AGBL1: variants seen among roughly 807,000 people sequenced by gnomAD.
AGBL1 encodes the protein cytosolic carboxypeptidase 4.
AGBL1 carries 130 observed loss-of-function variants against 118.9 expected under a neutral mutation model. That is an observed-to-expected ratio of 1.09 (90% CI 0.95 to 1.26). The LOEUF is 1.26. AGBL1 is among the 50% of genes most tolerant of loss of function. AGBL1 has a pLI of 0.00. For missense variants in AGBL1, 1,584 were observed against 1,298.1 expected, an observed-to-expected ratio of 1.22 and a Z score of -3.38; for synonymous variants, 555 against 478.9, an observed-to-expected ratio of 1.16 and a Z score of -2.08.
chr15:86,291,604 C>T (rs866163970), intron 16 of AGBL1, among the ~76,000 whole-genome samples: 4 of 152,198 alleles, frequency 2.6e-5, no homozygotes, highest in Non-Finnish European at 4.4e-5. Flanking sequence ...TCTGGACTCC[C>T]AGGCACAGCT....
At chr15:86,182,251 CT>C (rs1419317398) in intron 5 of AGBL1, among the ~76,000 whole-genome samples, 2 of 152,058 alleles carry the variant, frequency 1.3e-5, no homozygotes, top group South Asian at 2.1e-4. Flanking sequence ...CCCTTGTTTC[CT>C]TTTTTTCTCT....
intron 17 of AGBL1, among the ~76,000 whole-genome samples, chr15:86,302,778 C>CA (rs11345100): frequency 0.32 from 31,024 of 95,750 alleles, 5,464 homozygotes; most frequent in Non-Finnish European, 0.42. Context: ...GACCCTGTCT[C>CA]AAAAAAAAAA....
chr15:86,386,739 G>T (rs138895484), intron 17 of AGBL1, among the ~76,000 whole-genome samples: 50 of 152,148 alleles, frequency 3.3e-4, no homozygotes, highest in African/African-American at 1.1e-3. Context: ...AGGACCTCAA[G>T]CCTGGGACCT....
intron 21 of AGBL1, among the ~76,000 whole-genome samples, chr15:86,636,027 A>T (rs1255649996): frequency 6.6e-6 from 1 of 152,094 alleles, no homozygotes; most frequent in African/African-American, 2.4e-5. Flanking sequence ...AGTGGGTACC[A>T]CTCACCATGA....
intron 21 of AGBL1, among the ~76,000 whole-genome samples, chr15:86,627,455 A>ATG (rs2084905113): frequency 6.6e-6 from 1 of 152,218 alleles, no homozygotes; most frequent in African/African-American, 2.4e-5. Flanking sequence ...CAAGGTACAA[A>ATG]TGTGAAGACT....
intron 23 of AGBL1, chr15:86,946,425 T>G (rs1303903344): frequency 6.6e-6 from 1 of 152,212 alleles, no homozygotes; most frequent in South Asian, 2.1e-4. Flanking sequence ...CTAGTTTATA[T>G]AGTATATATA....
intron 23 of AGBL1, among the ~76,000 whole-genome samples, chr15:86,947,545 G>GA (rs1567253906): frequency 6.6e-6 from 1 of 152,096 alleles, no homozygotes; most frequent in Non-Finnish European, 1.5e-5. Flanking sequence ...TAATTCCAGC[G>GA]AATTTTTTAT....
At chr15:86,500,390 T>C (rs965375151) in intron 18 of AGBL1, among the ~76,000 whole-genome samples, 1 of 151,846 alleles carries the variant, frequency 6.6e-6, no homozygotes, top group Non-Finnish European at 1.5e-5. Flanking sequence ...AGTTCTAGTA[T>C]GGAAATAGGT....
intron 6 of AGBL1, among the ~76,000 whole-genome samples, chr15:86,232,510 T>A (rs1302887018): frequency 6.6e-6 from 1 of 152,192 alleles, no homozygotes; most frequent in Non-Finnish European, 1.5e-5. Flanking sequence ...GGAAATTAGC[T>A]GAAGATGGTC....
chr15:86,288,414 C>T (rs1328624210), intron 16 of AGBL1, among the ~76,000 whole-genome samples: 3 of 152,026 alleles, frequency 2.0e-5, no homozygotes, highest in African/African-American at 7.2e-5. Flanking sequence ...TATATCAGGG[C>T]TTTAGTTAAT....
intron 17 of AGBL1, among the ~76,000 whole-genome samples, chr15:86,313,273 A>G (rs989813780): frequency 6.6e-6 from 1 of 152,182 alleles, no homozygotes; most frequent in African/African-American, 2.4e-5. Flanking sequence ...TTGTTTAGGT[A>G]TATAATGTAG....
chr15:86,411,917 A>T (rs77614168), intron 18 of AGBL1, among the ~76,000 whole-genome samples: 8,256 of 152,228 alleles, frequency 0.054, 267 homozygotes, highest in East Asian at 0.15. Flanking sequence ...TACTCTGTTC[A>T]TACCCTGCTT....
intron 17 of AGBL1, among the ~76,000 whole-genome samples, chr15:86,394,805 G>A (rs1425905352): frequency 1.3e-5 from 2 of 152,142 alleles, no homozygotes; most frequent in African/African-American, 4.8e-5. Context: ...AGATGAAACT[G>A]TCCCCTTTAA....
chr15:86,959,661 T>C (rs1309124547), intron 23 of AGBL1, among the ~76,000 whole-genome samples: 1 of 152,086 alleles, frequency 6.6e-6, no homozygotes, highest in Non-Finnish European at 1.5e-5. Context: ...TCTTTCCTGT[T>C]TATTAATGAG....
At chr15:87,016,788 T>C (rs1579552) in intron 24 of AGBL1, among the ~76,000 whole-genome samples, 15,687 of 152,096 alleles carry the variant, frequency 0.1, 1,626 homozygotes, top group African/African-American at 0.27. Flanking sequence ...ATTGTGTGAT[T>C]CCACCTGGGA....
chr15:86,781,511 G>A (rs534644247), intron 22 of AGBL1, among the ~76,000 whole-genome samples: 1 of 152,248 alleles, frequency 6.6e-6, no homozygotes, highest in East Asian at 1.9e-4. Context: ...TTATCATTAT[G>A]AGGATTTTTA....
At chr15:86,884,624 C>T (rs1008109372) in intron 22 of AGBL1, among the ~76,000 whole-genome samples, 1 of 152,178 alleles carries the variant, frequency 6.6e-6, no homozygotes, top group African/African-American at 2.4e-5. Context: ...CCAGCCTGGA[C>T]AACATGGTGA....
chr15:86,143,585 C>T (rs577456176), intron 2 of AGBL1, 114 bp from the exon 3 acceptor site: 95 of 1,283,822 alleles, frequency 7.4e-5, no homozygotes, highest in African/African-American at 3.1e-4. Context: ...CATAATTTTA[C>T]GTAGTTGAAA....
At chr15:86,470,647 T>C (rs1287352214) in intron 18 of AGBL1, among the ~76,000 whole-genome samples, 1 of 152,224 alleles carries the variant, frequency 6.6e-6, no homozygotes, top group African/African-American at 2.4e-5. Flanking sequence ...TTTAGCAATA[T>C]TAACTTTTTC....
Sources: gnomAD v4.1 joint callset for allele counts (sites outside exome capture counted in the v4.1 genomes callset) on GRCh38, gnomAD v4.1.1 for gene constraint, MANE v1.5 for transcripts, NCBI Gene and HGNC (gene_info 2026-07-23, HGNC 2026-07-21) for gene names.